The following CNBD1 variants were observed in gnomAD, a reference collection of about 807,000 sequenced individuals.
The protein encoded by CNBD1 is cyclic nucleotide-binding domain-containing protein 1.
Under a neutral mutation model 54.4 loss-of-function variants are expected in CNBD1, and 71 were observed. That is an observed-to-expected ratio of 1.30 (90% CI 1.08 to 1.59). The LOEUF (loss-of-function observed/expected upper bound fraction) is 1.59. Among genes scored for constraint, CNBD1 ranks in the 40% most tolerant of loss-of-function variants. The pLI is 0.00. For missense variants in CNBD1, 659 were observed against 518.0 expected (o/e 1.27, Z -2.64); for synonymous variants, 182 against 170.7 (o/e 1.07, Z -0.51).
intron 4 of CNBD1, among the ~76,000 whole-genome samples, chr8:87,174,104 G>A (rs549294040): frequency 2.6e-5 from 4 of 151,970 alleles, no homozygotes; most frequent in Non-Finnish European, 4.4e-5. Flanking sequence ...GACTATAGGC[G>A]CACACCACCA....
intron 4 of CNBD1, among the ~76,000 whole-genome samples, chr8:87,171,832 T>G (rs1324740749): frequency 6.6e-6 from 1 of 151,820 alleles, no homozygotes; most frequent in Non-Finnish European, 1.5e-5. Flanking sequence ...AGAAATGGGG[T>G]TTCACCATCT....
intron 6 of CNBD1, among the ~76,000 whole-genome samples, chr8:87,260,956 A>C (rs1016109536): frequency 6.6e-6 from 1 of 152,014 alleles, no homozygotes; most frequent in Non-Finnish European, 1.5e-5. Flanking sequence ...GATTTTTCCT[A>C]CCTAAGCATG....
intron 6 of CNBD1, among the ~76,000 whole-genome samples, chr8:87,254,716 T>C (rs1807977713): frequency 6.6e-6 from 1 of 152,180 alleles, no homozygotes; most frequent in African/African-American, 2.4e-5. Flanking sequence ...GTTCAAGCAA[T>C]ATGTGAAGTG....
chr8:86,959,082 G>A (rs1421074194), intron 4 of CNBD1, among the ~76,000 whole-genome samples: 1 of 152,104 alleles, frequency 6.6e-6, no homozygotes, highest in African/African-American at 2.4e-5. Flanking sequence ...TGTCTCTAAA[G>A]GATTTTATTT....
chr8:87,226,221 T>A (rs1016890313), intron 5 of CNBD1, among the ~76,000 whole-genome samples: 10 of 151,936 alleles, frequency 6.6e-5, no homozygotes, highest in Non-Finnish European at 1.0e-4. Context: ...TTTGAAGGGC[T>A]TTTTGTGTCT....
At chr8:87,326,685 T>C (rs1183877754) in intron 8 of CNBD1, among the ~76,000 whole-genome samples, 2 of 100,466 alleles carry the variant, frequency 2.0e-5, no homozygotes, top group Non-Finnish European at 4.3e-5. Context: ...CTGTATTGGT[T>C]ATTCTAGTTA....
intron 4 of CNBD1, among the ~76,000 whole-genome samples, chr8:87,004,963 A>G (rs1164492474): frequency 6.6e-6 from 1 of 152,206 alleles, no homozygotes; most frequent in Non-Finnish European, 1.5e-5. Context: ...CATCACAAAA[A>G]TTGTCTTGGA....
Position 86,937,100 on chromosome 8 carries a change from C to T in CNBD1, c.273-2496C>T, listed in dbSNP as rs1443890547. Reference sequence around the variant, plus strand: ...GAGGTTTAGTTGACTAACAGTTCCACATGGCTGAGGTAGGACTCACAATCA... The same window carrying T: ...GAGGTTTAGTTGACTAACAGTTCCATATGGCTGAGGTAGGACTCACAATCA... On this transcript the variant is annotated intron_variant, in intron 3 of 10. Transcript: ENST00000518476. Among the ~76,000 whole-genome samples the T allele has an allele frequency of 3.9e-5, 6 of 152,284 alleles. No individual in the cohort carries two copies. The East Asian group carries it at 9.7e-4, about 25-fold the overall frequency.
At chr8:87,402,166 A>G (rs1023369967) in intron 2 of CNBD1, among the ~76,000 whole-genome samples, 1 of 151,996 alleles carries the variant, frequency 6.6e-6, no homozygotes, top group African/African-American at 2.4e-5. Context: ...TAAAACCATC[A>G]AATCTCATGA....
intron 1 of CNBD1, among the ~76,000 whole-genome samples, chr8:86,883,128 G>A (rs111607855): frequency 3.6e-4 from 55 of 152,002 alleles, no homozygotes; most frequent in African/African-American, 1.1e-3. Context: ...CATGATACAC[G>A]TTTACCTATA....
chr8:86,881,133 C>T (rs995569033), intron 1 of CNBD1, among the ~76,000 whole-genome samples: 10 of 152,156 alleles, frequency 6.6e-5, no homozygotes, highest in Non-Finnish European at 1.0e-4. Flanking sequence ...AGGATGCCCT[C>T]TCTCACCACT....
In CNBD1 at chr8:87,102,561, C is replaced by A. The variant is rs115843884; in HGVS notation, c.432-103432C>A. The stretch of plus-strand genomic sequence containing the variant: ...CAAGAAATAGTTAATAGTGTGTAAA[C>A]AACTCTGACATTTGAAAGACATTTG... On this transcript the variant is annotated intron_variant, in intron 4 of 10. Coordinates refer to ENST00000518476, the MANE Select transcript of CNBD1 (RefSeq NM_173538.3). Among the ~76,000 whole-genome samples the A allele has an allele frequency of 7.0e-3, 1,060 of 152,204 alleles. 11 individuals carry two copies. Among genetic ancestry groups the A allele is most frequent in the African/African-American group, 0.024 (976 of 41,524 alleles).
intron 10 of CNBD1, among the ~76,000 whole-genome samples, chr8:87,372,434 A>C (rs1412636018): frequency 1.3e-5 from 2 of 151,876 alleles, no homozygotes; most frequent in Non-Finnish European, 2.9e-5. Flanking sequence ...TCCTCACTGG[A>C]TAAAAAGTAA....
intron 5 of CNBD1, among the ~76,000 whole-genome samples, chr8:87,209,405 A>G (rs1346750037): frequency 6.6e-6 from 1 of 152,144 alleles, no homozygotes; most frequent in Non-Finnish European, 1.5e-5. Flanking sequence ...AAAGGAAAAT[A>G]AGCAAACAAT....
At chr8:87,255,996 TATATATATATATA>T (rs1808004683) in intron 6 of CNBD1, among the ~76,000 whole-genome samples, 2 of 15,238 alleles carry the variant, frequency 1.3e-4, no homozygotes, top group African/African-American at 3.1e-4. Flanking sequence ...TATATATATA[TATATATATATATA>T]TATATATTTT....
At chr8:86,973,349 T>C (rs1808267793) in intron 4 of CNBD1, among the ~76,000 whole-genome samples, 1 of 152,258 alleles carries the variant, frequency 6.6e-6, no homozygotes, top group South Asian at 2.1e-4. Context: ...TGGAATTTTA[T>C]ATAGAATTTT....
intron 8 of CNBD1, among the ~76,000 whole-genome samples, chr8:87,322,520 A>T (rs1563551800): frequency 1.7e-5 from 2 of 121,134 alleles, no homozygotes; most frequent in Non-Finnish European, 3.7e-5. Context: ...ATGATATCTC[A>T]TAGTGGTTTT....
chr8:87,006,328 C>T (rs1391878010), intron 4 of CNBD1, among the ~76,000 whole-genome samples: 1 of 151,974 alleles, frequency 6.6e-6, no homozygotes, highest in Non-Finnish European at 1.5e-5. Context: ...CATCACTTGC[C>T]CCAATTTCCT....
chr8:87,378,429 G>A (rs1477980420), intron 10 of CNBD1, among the ~76,000 whole-genome samples: 1 of 150,696 alleles, frequency 6.6e-6, no homozygotes, highest in East Asian at 1.9e-4. Context: ...CCCATTTCTT[G>A]TTTTTCTCAG....
Sources: allele counts gnomAD v4.1 joint callset (sites outside exome capture counted in the v4.1 genomes callset), GRCh38; gene constraint gnomAD v4.1.1; transcripts MANE v1.5; gene names NCBI Gene and HGNC (gene_info 2026-07-23, HGNC 2026-07-21).